The following TOM1L1 variants were observed in gnomAD, a reference collection of about 807,000 sequenced individuals.
TOM1L1 encodes the protein target of myb1 like 1 membrane trafficking protein.
In TOM1L1, 64 loss-of-function variants were observed where a neutral mutation model predicts 63.4. The ratio of observed to expected loss-of-function variants is 1.01; its 90% CI spans 0.83 to 1.24. The LOEUF (loss-of-function observed/expected upper bound fraction) is 1.24. Ranked by LOEUF, TOM1L1 falls within the 50% of genes most tolerant of loss-of-function variation. TOM1L1 has a pLI of 0.00. For missense variants in TOM1L1, 536 were observed against 567.0 expected, an observed-to-expected ratio of 0.95 and a Z score of 0.55; for synonymous variants, 166 against 194.4, an observed-to-expected ratio of 0.85 and a Z score of 1.22.
intron 3 of TOM1L1, 30 bp downstream of exon 3, chr17:54,905,597 C>G: frequency 7.4e-7 from 1 of 1,346,912 alleles, no homozygotes; most frequent in Non-Finnish European, 1.1e-6. Flanking sequence ...AATTAAGACT[C>G]GAGGATTTCT....
chr17:54,928,956 G>A (rs1393443486), intron 7 of TOM1L1, among the ~76,000 whole-genome samples: 3 of 152,124 alleles, frequency 2.0e-5, no homozygotes, highest in South Asian at 2.1e-4. Flanking sequence ...CAGCAGTCTT[G>A]TAATAGATTG....
intron 7 of TOM1L1, among the ~76,000 whole-genome samples, chr17:54,927,400 A>G (rs1055587178): frequency 6.6e-6 from 1 of 152,052 alleles, no homozygotes; most frequent in Non-Finnish European, 1.5e-5. Flanking sequence ...ATGTGGGATG[A>G]CTGTAGTTGG....
rs990377635 is a variant in TOM1L1 at position 54,914,731 on chromosome 17, G to A, written c.591G>A (p.Leu197=). The A allele has an allele frequency of 6.2e-7, 1 of 1,610,430 alleles. No individual in the cohort carries two copies. ...CTCCAAAGAACTCGACTGTTACATT[G>A]GTCCCAGAACAGGTAACAACAACAA... ...VIAPKNSTVT[L]VPEQIGKLHS... Residue 197 remains leucine (L), a synonymous_variant, in exon 6 of 16, where the codon TTG becomes TTA. Coordinates refer to ENST00000575882, the MANE Select transcript of TOM1L1 (RefSeq NM_005486.3).
At chr17:54,919,596 C>T (rs912378514) in intron 7 of TOM1L1, among the ~76,000 whole-genome samples, 1 of 152,108 alleles carries the variant, frequency 6.6e-6, no homozygotes, top group Admixed American at 6.5e-5. Context: ...CTGTGTTTTG[C>T]CTTGAATAGT....
At chr17:54,960,522 T>G in intron 14 of TOM1L1, 44 bp from the exon 15 acceptor site, 9 of 1,542,266 alleles carry the variant, frequency 5.8e-6, no homozygotes, top group African/African-American at 1.4e-5. Flanking sequence ...AATAGCACTT[T>G]GAAATTGATA....
chr17:54,948,970 G>GT (rs2049164886), intron 12 of TOM1L1, among the ~76,000 whole-genome samples: 1 of 151,326 alleles, frequency 6.6e-6, no homozygotes, highest in South Asian at 2.1e-4. Flanking sequence ...AGCAATATAT[G>GT]GTTTTTTTTT....
At chr17:54,925,484 A>T (rs1308225966) in intron 7 of TOM1L1, among the ~76,000 whole-genome samples, 1 of 152,252 alleles carries the variant, frequency 6.6e-6, no homozygotes, top group East Asian at 1.9e-4. Context: ...AAGTATGGAC[A>T]GTGGATCTGG....
At chr17:54,920,949 C>T (rs2048674152) in intron 7 of TOM1L1, among the ~76,000 whole-genome samples, 1 of 134,280 alleles carries the variant, frequency 7.4e-6, no homozygotes, top group East Asian at 2.0e-4. Flanking sequence ...CACCAAGAAC[C>T]GACGCTGACA....
intron 8 of TOM1L1, among the ~76,000 whole-genome samples, chr17:54,932,920 GT>G (rs1480497930): frequency 2.0e-5 from 3 of 152,298 alleles, no homozygotes; most frequent in Admixed American, 1.3e-4. Flanking sequence ...GGGGGAACTT[GT>G]GTTTATTTGG....
At chr17:54,922,974 G>T (rs2048708223) in intron 7 of TOM1L1, among the ~76,000 whole-genome samples, 1 of 152,138 alleles carries the variant, frequency 6.6e-6, no homozygotes, top group African/African-American at 2.4e-5. Flanking sequence ...ACCTGTTCTG[G>T]ACATTTCATA....
chr17:54,919,988 T>TGA (rs2048655350), intron 7 of TOM1L1, among the ~76,000 whole-genome samples: 5 of 151,400 alleles, frequency 3.3e-5, no homozygotes, highest in African/African-American at 9.7e-5. Flanking sequence ...TTTTATTGAT[T>TGA]TATTTATTTA....
At chr17:54,934,630 ACTCAGGG>A (rs1307508775) in intron 8 of TOM1L1, among the ~76,000 whole-genome samples, 1 of 152,038 alleles carries the variant, frequency 6.6e-6, no homozygotes, top group Non-Finnish European at 1.5e-5. Flanking sequence ...GAAATTTGTC[ACTCAGGG>A]CTTGATCTAG....
chr17:54,913,995 T>A, intron 5 of TOM1L1, 122 bp downstream of exon 5: 2 of 1,096,562 alleles, frequency 1.8e-6, no homozygotes, highest in Non-Finnish European at 2.5e-6. Context: ...ATTAGAAGGA[T>A]ATTGCAATAT....
At chr17:54,918,707 A>C (rs1278696806) in intron 7 of TOM1L1, among the ~76,000 whole-genome samples, 1 of 152,204 alleles carries the variant, frequency 6.6e-6, no homozygotes, top group Non-Finnish European at 1.5e-5. Flanking sequence ...AGTATTTCTC[A>C]TTGGTTGTAT....
intron 12 of TOM1L1, 92 bp downstream of exon 12, chr17:54,947,404 C>T: frequency 7.0e-7 from 1 of 1,436,794 alleles, no homozygotes; most frequent in South Asian, 1.2e-5. Context: ...CCATGTTCTG[C>T]TCAGTATTGT....
intron 14 of TOM1L1, chr17:54,954,351 AAAACACAT>A (rs2049383239): frequency 6.6e-6 from 1 of 152,224 alleles, no homozygotes; most frequent in African/African-American, 2.4e-5. Context: ...ACAGTTTTAA[AAAACACAT>A]AGACCCGAGC....
At chr17:54,901,051 A>C (rs1200149474) in intron 1 of TOM1L1, 128 bp downstream of exon 1, 9 of 1,320,276 alleles carry the variant, frequency 6.8e-6, no homozygotes, top group African/African-American at 1.5e-5. Context: ...CTCCCCCCGC[A>C]ACTTTCCCAA....
chr17:54,949,985 C>G, intron 13 of TOM1L1, 60 bp from the exon 14 acceptor site: 1 of 1,289,088 alleles, frequency 7.8e-7, no homozygotes, highest in Non-Finnish European at 1.1e-6. Context: ...AAAAGAATAT[C>G]AATTGCGTGT....
intron 7 of TOM1L1, among the ~76,000 whole-genome samples, chr17:54,920,866 G>C (rs2048672427): frequency 6.6e-6 from 1 of 152,208 alleles, no homozygotes; most frequent in Admixed American, 6.5e-5. Context: ...AAGGCAGGCA[G>C]CCTCATCCCT....
Sources: gnomAD v4.1 joint callset for allele counts (sites outside exome capture counted in the v4.1 genomes callset) on GRCh38, gnomAD v4.1.1 for gene constraint, MANE v1.5 for transcripts, NCBI Gene and HGNC (gene_info 2026-07-23, HGNC 2026-07-21) for gene names.